The following SNX13 variants were observed in gnomAD, a reference collection of about 807,000 sequenced individuals.
The protein encoded by SNX13 is sorting nexin 13.
Under a neutral mutation model 133.6 loss-of-function variants are expected in SNX13, and 45 were observed. The observed-to-expected ratio is 0.34, with a 90% confidence interval of 0.27 to 0.43. The LOEUF (loss-of-function observed/expected upper bound fraction) is 0.43. Among genes scored for constraint, SNX13 ranks in the 20% least tolerant of loss-of-function variants. SNX13 has a pLI of 1.00. For missense variants in SNX13, 1,032 were observed against 1,145.1 expected (o/e 0.90, Z 1.43); for synonymous variants, 414 against 373.9 (o/e 1.11, Z -1.24).
rs1349684048 is a variant in SNX13 at position 17,932,233 on chromosome 7, T to G, written c.12+8051A>C. Reference sequence around the variant, plus strand: ...TACAAAACAAAATCCAAGTCCCTCTTGCATTTATAATTGGTTATATCAAAG... The same window carrying G: ...TACAAAACAAAATCCAAGTCCCTCTGGCATTTATAATTGGTTATATCAAAG... On this transcript the variant is annotated intron_variant, in intron 1 of 25. Transcript: ENST00000428135. 2.0e-5 allele frequency among the ~76,000 whole-genome samples: 3 copies of G among 152,296 alleles called. No individual in the cohort carries two copies. The East Asian group carries it at 5.8e-4, about 29-fold the overall frequency.
At chr7:17,841,404 T>C (rs1317815091) in intron 12 of SNX13, among the ~76,000 whole-genome samples, 1 of 152,088 alleles carries the variant, frequency 6.6e-6, no homozygotes, top group African/African-American at 2.4e-5. Flanking sequence ...AGAAGACTTT[T>C]AAGTTTATAC....
intron 11 of SNX13, among the ~76,000 whole-genome samples, chr7:17,848,668 G>C (rs950380423): frequency 6.6e-6 from 1 of 152,172 alleles, no homozygotes; most frequent in Admixed American, 6.5e-5. Flanking sequence ...CTCTCGCGAG[G>C]GGTGGAATAC....
chr7:17,871,001 CT>C (rs1309167762), intron 8 of SNX13, among the ~76,000 whole-genome samples: 109 of 143,308 alleles, frequency 7.6e-4, no homozygotes, highest in Middle Eastern at 3.7e-3. Context: ...ATCGGGTTTT[CT>C]TTTTTTTTTT....
Position 17,817,933 on chromosome 7 carries a change from G to A in SNX13, c.1846-1644C>T, listed in dbSNP as rs186303005. 2.8e-3 allele frequency among the ~76,000 whole-genome samples: 430 copies of A among 152,172 alleles called. 12 individuals carry two copies. The highest frequency in any genetic ancestry group is 0.025 in the Admixed American group (388 of 15,280). ...TGTTGAAGCCCTAACATTCAGTGCC[G>A]CAGACGGTGACTGAATTGAGAGATA... On this transcript the variant is annotated intron_variant, in intron 18 of 25. Transcript: ENST00000428135.
At chr7:17,831,766 T>G in intron 15 of SNX13, 1 of 983,888 alleles carries the variant, frequency 1.0e-6, no homozygotes, top group Non-Finnish European at 1.2e-6. Flanking sequence ...ATTTTAAAAG[T>G]CAGAAAACTA....
At chr7:17,866,166 T>C (rs1280647117) in intron 9 of SNX13, among the ~76,000 whole-genome samples, 1 of 152,070 alleles carries the variant, frequency 6.6e-6, no homozygotes, top group Non-Finnish European at 1.5e-5. Context: ...AAAAGGCTTC[T>C]GCACAGCAAA....
At position 17,801,009 on chromosome 7, in the gene SNX13, C is replaced by CATATATAT. The variant is rs71010273; in HGVS notation, c.2298+571_2298+578dup. 2.2e-3 allele frequency among the ~76,000 whole-genome samples: 264 copies of CATATATAT among 119,998 alleles called. 6 individuals are homozygous for CATATATAT. The highest frequency in any genetic ancestry group is 3.5e-3 in the Non-Finnish European group (187 of 53,400). The allele number at this position is 119,998 out of a possible 152,430, so 78.7% of individuals were successfully genotyped here. On this transcript the variant is annotated intron_variant, in intron 22 of 25. Transcript: ENST00000428135. ...CTTGGCAGTATCTACTAAAACTGAA[C>CATATATAT]ATATATATATATATATATATATATA... is the stretch of plus-strand genomic sequence containing the variant.
At chr7:17,880,709 T>G (rs1203296576) in intron 5 of SNX13, 1 of 152,216 alleles carries the variant, frequency 6.6e-6, no homozygotes, top group Non-Finnish European at 1.5e-5. Context: ...CAAACATCAG[T>G]TAAGAGAACT....
chr7:17,866,039 A>G (rs1437977145), intron 9 of SNX13, among the ~76,000 whole-genome samples: 1 of 152,220 alleles, frequency 6.6e-6, no homozygotes, highest in Non-Finnish European at 1.5e-5. Context: ...TAAAACTACT[A>G]GAAGAAAACA....
At chr7:17,830,905 G>A in intron 15 of SNX13, 1 of 984,372 alleles carries the variant, frequency 1.0e-6, no homozygotes, top group Non-Finnish European at 1.2e-6. Context: ...CTACAAGGAG[G>A]CAGCTGATAT....
At chr7:17,820,044 G>C (rs985694585) in intron 18 of SNX13, among the ~76,000 whole-genome samples, 7 of 152,040 alleles carry the variant, frequency 4.6e-5, no homozygotes, top group Non-Finnish European at 7.4e-5. Flanking sequence ...ATTTCTGTAT[G>C]AACTGTCCTC....
At chr7:17,923,023 G>A (rs1359059636) in intron 1 of SNX13, among the ~76,000 whole-genome samples, 3 of 152,104 alleles carry the variant, frequency 2.0e-5, no homozygotes, top group African/African-American at 7.2e-5. Context: ...TTTATTTTTA[G>A]ATAGCACATA....
Position 17,798,623 on chromosome 7 carries a change from G to A in SNX13, c.2513+67C>T. On this transcript the variant is annotated intron_variant, in intron 24 of 25. Transcript: ENST00000428135. Reference sequence around the variant, plus strand: ...CAGGAAGGAAACAAAAGCAATGAAAGTTAATTAGTGATAACAATGCTAAAC... The same window carrying A: ...CAGGAAGGAAACAAAAGCAATGAAAATTAATTAGTGATAACAATGCTAAAC... The A allele has an allele frequency of 3.3e-6, 4 of 1,204,680 alleles. No individual in the cohort carries two copies. In the South Asian group the frequency reaches 4.2e-5, roughly 13 times the overall value. The allele number at this position is 1,204,680 out of a possible 1,614,324, so 74.6% of individuals were successfully genotyped here. A position where few individuals can be genotyped will look rare whatever the true frequency, so the allele number is the denominator to read the frequency against.
At chr7:17,882,022 T>C (rs1158864206) in intron 5 of SNX13, 1 of 152,224 alleles carries the variant, frequency 6.6e-6, no homozygotes, top group Non-Finnish European at 1.5e-5. Flanking sequence ...TTTGACCTTC[T>C]TCACAAACAT....
intron 5 of SNX13, among the ~76,000 whole-genome samples, chr7:17,884,046 T>C (rs769486946): frequency 2.0e-5 from 3 of 152,222 alleles, no homozygotes; most frequent in Non-Finnish European, 4.4e-5. Flanking sequence ...CGTTGCTGTT[T>C]GGCTCTTTAG....
At chr7:17,902,025 A>C (rs1797894362) in intron 1 of SNX13, among the ~76,000 whole-genome samples, 1 of 152,348 alleles carries the variant, frequency 6.6e-6, no homozygotes, top group South Asian at 2.1e-4. Context: ...GTTGATATGG[A>C]GAAGATTCAT....
rs531873081 is a variant in SNX13 at position 17,798,775 on chromosome 7, G to A, written c.2445-17C>T. ...ACTATTTTTCTGAAAGTAAATTAAT[G>A]TAAATGAGGAAGGTTAAAATTTTAG... On this transcript the variant is annotated splice_polypyrimidine_tract_variant and intron_variant, in intron 23 of 25. Coordinates refer to ENST00000428135, the MANE Select transcript of SNX13 (RefSeq NM_015132.5). 2.6e-6 allele frequency: 4 copies of A among 1,526,958 alleles called. No homozygotes were observed. The highest frequency in any genetic ancestry group is 4.7e-5 in the East Asian group (2 of 42,738). The allele number at this position is 1,526,958 out of a possible 1,614,324, so 94.6% of individuals were successfully genotyped here. A position where few individuals can be genotyped will look rare whatever the true frequency, so the allele number is the denominator to read the frequency against.
At chr7:17,857,789 T>C (rs999773745) in intron 9 of SNX13, among the ~76,000 whole-genome samples, 1 of 151,876 alleles carries the variant, frequency 6.6e-6, no homozygotes, top group African/African-American at 2.4e-5. Context: ...AAAATACTAA[T>C]AAACTTAATT....
chr7:17,809,139 G>A (rs375445228), intron 20 of SNX13, among the ~76,000 whole-genome samples: 2 of 151,826 alleles, frequency 1.3e-5, no homozygotes, highest in Non-Finnish European at 2.9e-5. Flanking sequence ...GCTAAATGCC[G>A]CCATGAAAAG....
Sources: gnomAD v4.1 joint callset for allele counts (sites outside exome capture counted in the v4.1 genomes callset) on GRCh38, gnomAD v4.1.1 for gene constraint, MANE v1.5 for transcripts, NCBI Gene and HGNC (gene_info 2026-07-23, HGNC 2026-07-21) for gene names.